The following RBMS3 variants were observed in gnomAD, a reference collection of about 807,000 sequenced individuals.
The protein encoded by RBMS3 is RNA binding motif single stranded interacting protein 3.
A neutral mutation model predicts 66.8 loss-of-function variants in RBMS3; 27 were observed. The ratio of observed to expected loss-of-function variants is 0.40; its 90% CI spans 0.30 to 0.56. RBMS3 has a LOEUF of 0.56. Ranked by LOEUF, RBMS3 falls within the 20% of genes least tolerant of loss-of-function variation. RBMS3 has a pLI of 0.40. For synonymous variants in RBMS3, 188 were observed against 183.0 expected (o/e 1.03, Z -0.22); for missense variants, 513 against 549.5 (o/e 0.93, Z 0.66).
chr3:29,902,511 C>T lies in RBMS3; in HGVS notation c.939+2756C>T, dbSNP rs1010913271. Among the ~76,000 whole-genome samples the T allele has an allele frequency of 4.0e-5, 6 of 151,778 alleles. No homozygotes were observed. In the East Asian group the frequency reaches 1.2e-3, roughly 30 times the overall value. Reference sequence around the variant, plus strand: ...ACAAGACAAATTGCTTACATTGGTACTTATTTCACTTACTTTCTAAACATT... The same window carrying T: ...ACAAGACAAATTGCTTACATTGGTATTTATTTCACTTACTTTCTAAACATT... On this transcript the variant is annotated intron_variant, in intron 10 of 14. Coordinates refer to ENST00000383767, the MANE Select transcript of RBMS3 (RefSeq NM_001003793.3).
intron 3 of RBMS3, among the ~76,000 whole-genome samples, chr3:29,519,378 G>A (rs905503158): frequency 6.6e-6 from 1 of 152,194 alleles, no homozygotes; most frequent in East Asian, 1.9e-4. Context: ...ACAGATGTGG[G>A]ATGCAAGGTG....
At chr3:29,385,707 G>T (rs185723438) in intron 1 of RBMS3, among the ~76,000 whole-genome samples, 4 of 152,040 alleles carry the variant, frequency 2.6e-5, no homozygotes, top group Admixed American at 2.6e-4. Flanking sequence ...CCATTCTTTG[G>T]CTTCTTCTCC....
chr3:29,977,400 T>C (rs1444091572), intron 12 of RBMS3, among the ~76,000 whole-genome samples: 1 of 152,158 alleles, frequency 6.6e-6, no homozygotes, highest in Non-Finnish European at 1.5e-5. Flanking sequence ...AGTGTAAATC[T>C]AGAACTAATA....
chr3:29,807,845 G>C (rs1353461888), intron 6 of RBMS3, among the ~76,000 whole-genome samples: 1 of 151,636 alleles, frequency 6.6e-6, no homozygotes, highest in Non-Finnish European at 1.5e-5. Context: ...TGGAAAAATA[G>C]TAATTTCATC....
chr3:29,439,327 G>A (rs1428599836), intron 2 of RBMS3, among the ~76,000 whole-genome samples: 5 of 152,180 alleles, frequency 3.3e-5, no homozygotes, highest in Admixed American at 3.3e-4. Context: ...GCAGAGTACG[G>A]AGAAGTGATC....
At chr3:29,348,531 T>A (rs1321989359) in intron 1 of RBMS3, among the ~76,000 whole-genome samples, 1 of 151,616 alleles carries the variant, frequency 6.6e-6, no homozygotes, top group African/African-American at 2.4e-5. Context: ...TGTGGTAGAC[T>A]TAAGGCCGTG....
rs999169580 is a variant in RBMS3, at chr3:29,998,031, G to A, written c.1308-5825G>A. 1.4e-4 allele frequency among the ~76,000 whole-genome samples: 21 copies of A among 152,288 alleles called. No individual in the cohort carries two copies. In the South Asian group the frequency reaches 3.9e-3, roughly 29 times the overall value. Reference sequence around the variant, plus strand: ...ATATCTAGAAAACCCCATCATCTCAGCCCCAAATCTCCTTAAGCTGATAAG... The same window carrying A: ...ATATCTAGAAAACCCCATCATCTCAACCCCAAATCTCCTTAAGCTGATAAG... On this transcript the variant is annotated intron_variant, in intron 14 of 14. Coordinates refer to ENST00000383767, the MANE Select transcript of RBMS3 (RefSeq NM_001003793.3).
intron 4 of RBMS3, among the ~76,000 whole-genome samples, chr3:29,623,388 C>T (rs986672512): frequency 1.3e-5 from 2 of 151,296 alleles, no homozygotes; most frequent in Admixed American, 6.6e-5. Context: ...GTCAGCAGAT[C>T]GAGACCATCC....
chr3:29,308,757 A>AC (rs1491185797), intron 1 of RBMS3, among the ~76,000 whole-genome samples: 2 of 6,396 alleles, frequency 3.1e-4, no homozygotes, highest in African/African-American at 3.6e-4. Context: ...AAAAAAAAAC[A>AC]AAAAAAAAAA....
chr3:29,653,132 T>TGTG (rs2050201103), intron 4 of RBMS3, among the ~76,000 whole-genome samples: 1 of 152,068 alleles, frequency 6.6e-6, no homozygotes, highest in South Asian at 2.1e-4. Context: ...GCTCAGAAAT[T>TGTG]GTGGTGGTGG....
At chr3:29,956,253 G>A (rs1336866193) in intron 12 of RBMS3, among the ~76,000 whole-genome samples, 16 of 151,954 alleles carry the variant, frequency 1.1e-4, no homozygotes, top group Non-Finnish European at 2.4e-4. Context: ...TTTCCACCTG[G>A]AATTTCTTCC....
At chr3:29,891,004 G>T (rs895908798) in intron 8 of RBMS3, among the ~76,000 whole-genome samples, 1 of 151,578 alleles carries the variant, frequency 6.6e-6, no homozygotes, top group Non-Finnish European at 1.5e-5. Flanking sequence ...TTGGAGAGGT[G>T]CCACATCCTA....
At chr3:29,358,899 A>G (rs1015889317) in intron 1 of RBMS3, among the ~76,000 whole-genome samples, 3 of 152,286 alleles carry the variant, frequency 2.0e-5, no homozygotes, top group African/African-American at 7.2e-5. Flanking sequence ...TTGATTTTGT[A>G]TCCTGAGACT....
chr3:29,448,535 G>C (rs2041912532), intron 2 of RBMS3, among the ~76,000 whole-genome samples: 2 of 152,206 alleles, frequency 1.3e-5, no homozygotes, highest in Non-Finnish European at 2.9e-5. Flanking sequence ...CTAAATCTGT[G>C]GAAGAATAAT....
At chr3:29,816,030 G>A (rs1355307058) in intron 6 of RBMS3, among the ~76,000 whole-genome samples, 3 of 152,036 alleles carry the variant, frequency 2.0e-5, no homozygotes, top group Non-Finnish European at 4.4e-5. Flanking sequence ...TTGGCTACTT[G>A]CCATATCTCA....
At chr3:29,740,026 G>A (rs2054567576) in intron 5 of RBMS3, 149 bp downstream of exon 5, 2 of 577,076 alleles carry the variant, frequency 3.5e-6, no homozygotes, top group Admixed American at 7.5e-5. Flanking sequence ...ATCCCTCTGT[G>A]TCTTTGCTTG....
intron 2 of RBMS3, among the ~76,000 whole-genome samples, chr3:29,452,509 T>C (rs2125763044): frequency 6.6e-6 from 1 of 152,286 alleles, no homozygotes; most frequent in South Asian, 2.1e-4. Context: ...ATTTAGGATT[T>C]CAAATGTCAA....
chr3:29,401,164 G>A (rs1190633887), intron 1 of RBMS3, among the ~76,000 whole-genome samples: 2 of 151,990 alleles, frequency 1.3e-5, no homozygotes, highest in Admixed American at 6.6e-5. Flanking sequence ...CAGTTCGCTA[G>A]GAGTTGTCCC....
At chr3:29,350,671 C>T (rs759356858) in intron 1 of RBMS3, among the ~76,000 whole-genome samples, 11 of 151,950 alleles carry the variant, frequency 7.2e-5, no homozygotes, top group Non-Finnish European at 1.5e-4. Context: ...ATCAGCATCG[C>T]GAATATGGAG....
Sources: allele counts gnomAD v4.1 joint callset (sites outside exome capture counted in the v4.1 genomes callset), GRCh38; gene constraint gnomAD v4.1.1; transcripts MANE v1.5; gene names NCBI Gene and HGNC (gene_info 2026-07-23, HGNC 2026-07-21).